The following PDE7B variants were observed in gnomAD, a reference collection of about 807,000 sequenced individuals.
PDE7B encodes the protein 3',5'-cyclic-AMP phosphodiesterase 7B.
A neutral mutation model predicts 56.2 loss-of-function variants in PDE7B; 29 were observed. The observed-to-expected ratio is 0.52, with a 90% CI of 0.38 to 0.70. The LOEUF (loss-of-function observed/expected upper bound fraction) is 0.70. Ranked by LOEUF, PDE7B falls within the 30% of genes least tolerant of loss-of-function variation. PDE7B has a pLI of 0.00. For synonymous variants in PDE7B, 197 were observed against 196.9 expected (o/e 1.00, Z 0.00); for missense variants, 490 against 565.0 (o/e 0.87, Z 1.35).
chr6:135,930,966 G>A (rs1211307404), intron 1 of PDE7B, among the ~76,000 whole-genome samples: 3 of 152,138 alleles, frequency 2.0e-5, no homozygotes, highest in African/African-American at 7.2e-5. Context: ...TTATGAAGAA[G>A]TATTCTTGCC....
chr6:135,925,378 T>A (rs2128196028), intron 1 of PDE7B, among the ~76,000 whole-genome samples: 1 of 152,292 alleles, frequency 6.6e-6, no homozygotes, highest in Non-Finnish European at 1.5e-5. Context: ...GATAGTCACT[T>A]TAGCTTTCAG....
chr6:135,917,261 C>A (rs1380135433), intron 1 of PDE7B, among the ~76,000 whole-genome samples: 1 of 152,072 alleles, frequency 6.6e-6, no homozygotes, highest in Non-Finnish European at 1.5e-5. Context: ...TAGATTTTTA[C>A]AAAAAGTCTG....
intron 1 of PDE7B, among the ~76,000 whole-genome samples, chr6:135,877,073 T>TA (rs142661840): frequency 0.14 from 21,131 of 151,208 alleles, 4,100 homozygotes; most frequent in African/African-American, 0.44. Context: ...ATTTGTTCTT[T>TA]AAAAAAAAAT....
chr6:136,156,090 T>C (rs1173874367), intron 8 of PDE7B: 1 of 389,746 alleles, frequency 2.6e-6, no homozygotes, highest in East Asian at 6.6e-5. Context: ...TGTTTTTCTT[T>C]TCCCATCAGT....
chr6:136,073,936 A>C (rs954059585), intron 2 of PDE7B, among the ~76,000 whole-genome samples: 1 of 152,228 alleles, frequency 6.6e-6, no homozygotes, highest in Admixed American at 6.5e-5. Context: ...CAAATAAAAA[A>C]ATTTAGTTCC....
Position 135,913,156 on chromosome 6 carries a change from T to C in PDE7B, c.22-34308T>C, listed in dbSNP as rs546430999. On this transcript the variant is annotated intron_variant, in intron 1 of 12. Coordinates refer to ENST00000308191, the MANE Select transcript of PDE7B (RefSeq NM_018945.4). The stretch of plus-strand genomic sequence containing the variant: ...TATCTTTTTAATCTACAAAACAACT[T>C]TATAAATTGAGTATTGATTTTGCAC... Among the ~76,000 whole-genome samples the C allele has an allele frequency of 2.4e-4, 37 of 152,286 alleles. 1 individual carries two copies. The highest frequency in any genetic ancestry group is 4.1e-4 in the Non-Finnish European group (28 of 68,026).
intron 2 of PDE7B, among the ~76,000 whole-genome samples, chr6:135,951,231 T>A (rs905495422): frequency 6.6e-6 from 1 of 152,176 alleles, no homozygotes; most frequent in Non-Finnish European, 1.5e-5. Context: ...TTTTTATAAA[T>A]TTAGCCATAA....
intron 1 of PDE7B, among the ~76,000 whole-genome samples, chr6:135,916,365 CT>C (rs1160290198): frequency 2.2e-5 from 3 of 135,304 alleles, no homozygotes; most frequent in African/African-American, 8.2e-5. Context: ...GTCTTTTGCC[CT>C]TTTTTTCTTT....
intron 12 of PDE7B, among the ~76,000 whole-genome samples, chr6:136,188,432 T>C (rs1282191404): frequency 6.6e-6 from 1 of 152,114 alleles, no homozygotes; most frequent in African/African-American, 2.4e-5. Flanking sequence ...GCAACAGAAA[T>C]GCAGCCTCAG....
intron 3 of PDE7B, among the ~76,000 whole-genome samples, chr6:136,142,464 A>G (rs535781381): frequency 6.6e-6 from 1 of 152,250 alleles, no homozygotes; most frequent in South Asian, 2.1e-4. Context: ...GTAGATGTCT[A>G]TTAGGTCCTC....
intron 1 of PDE7B, among the ~76,000 whole-genome samples, chr6:135,925,638 C>T (rs144611980): frequency 1.2e-4 from 18 of 152,206 alleles, no homozygotes; most frequent in African/African-American, 2.2e-4. Flanking sequence ...GAATACTGCG[C>T]ATATTGTTTA....
chr6:135,969,714 A>G (rs1485726516), intron 2 of PDE7B, among the ~76,000 whole-genome samples: 1 of 152,234 alleles, frequency 6.6e-6, no homozygotes, highest in African/African-American at 2.4e-5. Flanking sequence ...AGGTACAGGC[A>G]AAGATTTCAT....
chr6:135,911,459 TG>T (rs1423286690), intron 1 of PDE7B, among the ~76,000 whole-genome samples: 1 of 152,226 alleles, frequency 6.6e-6, no homozygotes, highest in Non-Finnish European at 1.5e-5. Context: ...TGTCCATCTT[TG>T]AACAAACTTT....
intron 2 of PDE7B, among the ~76,000 whole-genome samples, chr6:136,103,299 C>T (rs544245654): frequency 2.0e-5 from 3 of 152,328 alleles, no homozygotes; most frequent in South Asian, 4.1e-4. Context: ...TCATGGTACT[C>T]GGAACAATAA....
At chr6:136,037,915 G>A in intron 2 of PDE7B, 1 of 1,181,380 alleles carries the variant, frequency 8.5e-7, no homozygotes, top group South Asian at 1.6e-5. Flanking sequence ...TGTCGTTCCA[G>A]CTGTAGCCTG....
intron 2 of PDE7B, among the ~76,000 whole-genome samples, chr6:136,054,046 G>A (rs973628525): frequency 6.6e-6 from 1 of 151,806 alleles, no homozygotes; most frequent in African/African-American, 2.4e-5. Context: ...CTGTGCAGAA[G>A]CTCTTTAGTT....
intron 2 of PDE7B, among the ~76,000 whole-genome samples, chr6:136,031,516 G>A (rs1417286256): frequency 6.6e-6 from 1 of 151,962 alleles, no homozygotes; most frequent in Non-Finnish European, 1.5e-5. Flanking sequence ...GAGGCGGGCG[G>A]ATCACGAGGT....
At chr6:135,887,019 C>T (rs1775721344) in intron 1 of PDE7B, among the ~76,000 whole-genome samples, 1 of 152,076 alleles carries the variant, frequency 6.6e-6, no homozygotes, top group Non-Finnish European at 1.5e-5. Flanking sequence ...CCACATCACA[C>T]CAACATCTGT....
At chr6:135,881,442 A>G (rs1013994968) in intron 1 of PDE7B, among the ~76,000 whole-genome samples, 2 of 152,074 alleles carry the variant, frequency 1.3e-5, no homozygotes, top group Non-Finnish European at 2.9e-5. Context: ...TGGGAGGCAG[A>G]CGTTGCAATG....
Sources: allele counts gnomAD v4.1 joint callset (sites outside exome capture counted in the v4.1 genomes callset), GRCh38; gene constraint gnomAD v4.1.1; transcripts MANE v1.5; gene names NCBI Gene and HGNC (gene_info 2026-07-23, HGNC 2026-07-21).